Variants in SNTB1 observed in about 807,000 individuals in gnomAD.
The protein encoded by SNTB1 is syntrophin beta 1.
Under a neutral mutation model 48.9 loss-of-function variants are expected in SNTB1, and 36 were observed. The observed-to-expected ratio is 0.74, with a 90% CI of 0.56 to 0.97. The LOEUF (loss-of-function observed/expected upper bound fraction) is 0.97. Ranked by LOEUF, SNTB1 falls within the 50% of genes least tolerant of loss-of-function variation. SNTB1 has a pLI of 0.00. For synonymous variants in SNTB1, 299 were observed against 294.6 expected (o/e 1.01, Z -0.15); for missense variants, 786 against 703.4 (o/e 1.12, Z -1.33).
At chr8:120,556,011 C>T (rs2130661210) in intron 4 of SNTB1, among the ~76,000 whole-genome samples, 1 of 152,296 alleles carries the variant, frequency 6.6e-6, no homozygotes, top group Non-Finnish European at 1.5e-5. Flanking sequence ...GTTGGCACCA[C>T]CCAGTCTGTG....
At chr8:120,598,086 T>C (rs969631628) in intron 3 of SNTB1, among the ~76,000 whole-genome samples, 3 of 152,198 alleles carry the variant, frequency 2.0e-5, no homozygotes, top group African/African-American at 7.2e-5. Flanking sequence ...GGGAAAACTA[T>C]GTGCACACAA....
At chr8:120,546,961 C>T (rs7460062) in intron 5 of SNTB1, among the ~76,000 whole-genome samples, 66,841 of 152,036 alleles carry the variant, frequency 0.44, 17,474 homozygotes, top group Non-Finnish European at 0.6. Flanking sequence ...TGGGAAGTTC[C>T]TTGTCTCTGT....
intron 3 of SNTB1, among the ~76,000 whole-genome samples, chr8:120,621,913 AAT>A (rs767825853): frequency 2.0e-5 from 3 of 152,156 alleles, no homozygotes; most frequent in Non-Finnish European, 4.4e-5. Flanking sequence ...CAATAATGTG[AAT>A]TGTACCTCAT....
chr8:120,811,678 C>T lies in SNTB1; in HGVS notation c.166G>A (p.Ala56Thr), dbSNP rs763684500. ...LVLSSEEGAA[A>T]YNGIGTATNG... ...GTGGCGGTCCCGATGCCGTTGTACG[C>T]CGCAGCGCCCTCCTCGCTGCTCAGA... The change falls in exon 1 of 7, where the codon GCG (alanine) becomes ACG (threonine). Residue 56 changes from alanine (A) to threonine (T), a missense_variant. By Grantham distance (58) the Ala-to-Thr change is moderately conservative. Transcript: ENST00000517992. 1.9e-6 allele frequency: 3 copies of T among 1,590,610 alleles called. No homozygotes were observed. The highest frequency in any genetic ancestry group is 1.7e-6 in the Non-Finnish European group (2 of 1,172,392).
At chr8:120,775,116 G>A (rs1819708995) in intron 1 of SNTB1, among the ~76,000 whole-genome samples, 1 of 152,210 alleles carries the variant, frequency 6.6e-6, no homozygotes, top group African/African-American at 2.4e-5. Flanking sequence ...ACTCAAAGAA[G>A]AGGAATAAGA....
chr8:120,593,033 A>G (rs1477009562), intron 3 of SNTB1, among the ~76,000 whole-genome samples: 2 of 152,160 alleles, frequency 1.3e-5, no homozygotes, highest in Non-Finnish European at 2.9e-5. Context: ...AGAAAAAGGG[A>G]GAATAAAACA....
intron 2 of SNTB1, among the ~76,000 whole-genome samples, chr8:120,649,754 C>T (rs1271581955): frequency 6.6e-6 from 1 of 152,212 alleles, no homozygotes; most frequent in African/African-American, 2.4e-5. Context: ...TGGCGGGCGC[C>T]CCTCCCCCAG....
intron 3 of SNTB1, among the ~76,000 whole-genome samples, chr8:120,597,955 G>A (rs190798097): frequency 2.0e-5 from 3 of 152,334 alleles, no homozygotes; most frequent in East Asian, 3.9e-4. Flanking sequence ...TACATTGTAT[G>A]TGAAATTAAG....
intron 2 of SNTB1, among the ~76,000 whole-genome samples, chr8:120,661,596 G>A (rs1362827644): frequency 6.6e-6 from 1 of 152,128 alleles, no homozygotes. Flanking sequence ...CGTCATCTAG[G>A]TTTTAAGCCC....
At chr8:120,707,523 A>C (rs188440924) in intron 1 of SNTB1, among the ~76,000 whole-genome samples, 1 of 152,326 alleles carries the variant, frequency 6.6e-6, no homozygotes, top group East Asian at 1.9e-4. Flanking sequence ...AACCTCTAGA[A>C]GGTTCACTTG....
At chr8:120,571,254 G>T in intron 4 of SNTB1, 1 of 1,280,404 alleles carries the variant, frequency 7.8e-7, no homozygotes, top group Non-Finnish European at 1.0e-6. Flanking sequence ...AAGATGCTTG[G>T]GTCCAACTTT....
intron 4 of SNTB1, 40 bp from the exon 5 acceptor site, chr8:120,548,998 T>C (rs1204822547): frequency 1.6e-5 from 24 of 1,483,342 alleles, no homozygotes; most frequent in Admixed American, 4.5e-5. Context: ...AAATGGAGAC[T>C]AGTTTATTCA....
intron 1 of SNTB1, among the ~76,000 whole-genome samples, chr8:120,753,428 G>A (rs1346377238): frequency 1.3e-5 from 2 of 152,106 alleles, no homozygotes; most frequent in East Asian, 1.9e-4. Flanking sequence ...CCAATCTCCA[G>A]TTCAAGTCCT....
At chr8:120,640,086 T>C (rs973614702) in intron 2 of SNTB1, among the ~76,000 whole-genome samples, 3 of 151,692 alleles carry the variant, frequency 2.0e-5, no homozygotes, top group Non-Finnish European at 4.4e-5. Flanking sequence ...CTTGAAGAGG[T>C]CCTTCACATC....
chr8:120,638,056 T>C lies in SNTB1; in HGVS notation c.789-5405A>G, dbSNP rs1203791781. ...CTCTGAGATAAATTCTGTTCTCTTA[T>C]TATCATCTACAATAATGTGGGGCAG... On this transcript the variant is annotated intron_variant, in intron 2 of 6. Transcript: ENST00000517992. 4 of 158,926 alleles carry C rather than the reference T, an allele frequency of 2.5e-5. No homozygotes were observed. The Admixed American group carries it at 2.6e-4, about 10-fold the overall frequency. 9.8% of individuals were successfully genotyped at this position (158,926 alleles called of 1,614,324 possible). A position where few individuals can be genotyped will look rare whatever the true frequency, so the allele number is the denominator to read the frequency against.
chr8:120,650,452 C>T (rs764565931), intron 2 of SNTB1, among the ~76,000 whole-genome samples: 12 of 152,136 alleles, frequency 7.9e-5, no homozygotes, highest in African/African-American at 2.7e-4. Flanking sequence ...AATTCAGCAA[C>T]CTACCTTCCC....
intron 2 of SNTB1, among the ~76,000 whole-genome samples, chr8:120,656,742 A>G (rs969726229): frequency 6.6e-6 from 1 of 152,224 alleles, no homozygotes; most frequent in East Asian, 1.9e-4. Context: ...TAGGGTTGCC[A>G]GAGTTAGCAA....
Position 120,747,805 on chromosome 8 carries a change from G to A in SNTB1, c.572-53897C>T, listed in dbSNP as rs573500153. On this transcript the variant is annotated intron_variant, in intron 1 of 6. Coordinates refer to ENST00000517992, the MANE Select transcript of SNTB1 (RefSeq NM_021021.4). ...TTACCTATATAACAAACCTGCACATGCACTCATGAACTTAACATAAATTTC... is the reference window on the plus strand; with the variant it reads ...TTACCTATATAACAAACCTGCACATACACTCATGAACTTAACATAAATTTC... 2.0e-3 allele frequency among the ~76,000 whole-genome samples: 305 copies of A among 152,152 alleles called. 2 individuals are homozygous for A. The highest frequency in any genetic ancestry group is 7.2e-3 in the African/African-American group (297 of 41,486).
At chr8:120,683,634 G>C (rs1323754446) in intron 2 of SNTB1, among the ~76,000 whole-genome samples, 1 of 152,084 alleles carries the variant, frequency 6.6e-6, no homozygotes, top group Non-Finnish European at 1.5e-5. Flanking sequence ...TTAAGGTATT[G>C]AGAACCCATG....
Sources: allele counts gnomAD v4.1 joint callset (sites outside exome capture counted in the v4.1 genomes callset), GRCh38; gene constraint gnomAD v4.1.1; transcripts MANE v1.5; gene names NCBI Gene and HGNC (gene_info 2026-07-23, HGNC 2026-07-21).